The following MOV10 variants were observed in gnomAD, a reference collection of about 807,000 sequenced individuals.
The protein encoded by MOV10 is RNA helicase MOV-10.
Under a neutral mutation model 108.4 loss-of-function variants are expected in MOV10, and 39 were observed. The observed-to-expected ratio is 0.36, with a 90% CI of 0.28 to 0.47. MOV10 has a LOEUF of 0.47. Ranked by LOEUF, MOV10 falls within the 20% of genes least tolerant of loss-of-function variation. The probability of loss-of-function intolerance (pLI) is 1.00; values close to 1 mark genes in which losing one functional copy is unlikely to be tolerated. For synonymous variants in MOV10, 490 were observed against 523.1 expected (o/e 0.94, Z 0.86); for missense variants, 952 against 1,297.6 (o/e 0.73, Z 4.09).
chr1:112,697,882 G>A, intron 14 of MOV10, 112 bp from the exon 15 acceptor site: 1 of 830,010 alleles, frequency 1.2e-6, no homozygotes, highest in South Asian at 1.5e-5. Flanking sequence ...TATCCAGGGA[G>A]CCAGCGGGGT....
rs116368587 is a variant in MOV10 at position 112,675,640 on chromosome 1, G to A, written c.137+591G>A. Among the ~76,000 whole-genome samples, 181 of 152,362 alleles carry A rather than the reference G, an allele frequency of 1.2e-3. No individual in the cohort carries two copies. Among genetic ancestry groups the A allele is most frequent in the African/African-American group, 4.1e-3 (171 of 41,582 alleles). On this transcript the variant is annotated intron_variant, in intron 2 of 20. Coordinates refer to ENST00000369645, the MANE Select transcript of MOV10 (RefSeq NM_001321324.2). The surrounding 1 kb of genome is among the most constrained non-coding windows in gnomAD (Gnocchi z 4.7). ...GTACCAAACCTCCATTAGCACCTGT[G>A]GCTTCTCCATGGAGACCCAGGGGCA...
intron 11 of MOV10, 79 bp from the exon 12 acceptor site, chr1:112,696,068 AG>A (rs556314032): frequency 2.3e-5 from 21 of 921,072 alleles, no homozygotes; most frequent in South Asian, 2.8e-5. Context: ...TAATTGTTTG[AG>A]GGGGGGTACC....
chr1:112,698,805 A>G lies in MOV10; in HGVS notation c.2583+16A>G, dbSNP rs1570813357. ...GGACTTGAAGGTGACATGCTGTTCC[A>G]CAGTCACTCCCTGCCTTCCGTGTGC... On this transcript the variant is annotated intron_variant, in intron 17 of 20. Transcript: ENST00000369645. 1.9e-6 allele frequency: 3 copies of G among 1,609,078 alleles called. No individual in the cohort carries two copies. Among genetic ancestry groups the G allele is most frequent in the African/African-American group, 2.7e-5 (2 of 74,882 alleles).
chr1:112,685,903 A>G (rs1002243851), intron 2 of MOV10, among the ~76,000 whole-genome samples: 1 of 152,234 alleles, frequency 6.6e-6, no homozygotes, highest in Non-Finnish European at 1.5e-5. Flanking sequence ...GAAATTTTAC[A>G]GAGATGAGTT....
intron 6 of MOV10, among the ~76,000 whole-genome samples, chr1:112,692,542 G>A (rs954957332): frequency 1.3e-5 from 2 of 152,150 alleles, no homozygotes; most frequent in South Asian, 2.1e-4. Context: ...AATGCAAGTC[G>A]GGTGAGGTGG....
intron 2 of MOV10, among the ~76,000 whole-genome samples, chr1:112,683,854 T>TA (rs1672856047): frequency 6.6e-6 from 1 of 152,216 alleles, no homozygotes. Flanking sequence ...TGCACATATG[T>TA]CTTTATACAT....
At position 112,677,272 on chromosome 1, in the gene MOV10, TTGGAGTGTTATAA is replaced by T. The variant is rs568455284; in HGVS notation, c.137+2228_137+2240del. On this transcript the variant is annotated intron_variant, in intron 2 of 20. Transcript: ENST00000369645. ...TACAAGGTAATTATCCTTGACTATT[TTGGAGTGTTATAA>T]TGGATAAGATTGCACTCCTGTGTCA... 3.1e-3 allele frequency among the ~76,000 whole-genome samples: 466 copies of T among 152,280 alleles called. 2 individuals are homozygous for T. The highest frequency in any genetic ancestry group is 9.9e-3 in the African/African-American group (413 of 41,510).
chr1:112,696,867 C>A, intron 14 of MOV10, 21 bp downstream of exon 14: 1 of 1,554,728 alleles, frequency 6.4e-7, no homozygotes, highest in Non-Finnish European at 8.7e-7. Flanking sequence ...GCCCTTGCCT[C>A]CCCTGCCATA....
At chr1:112,697,735 A>T in intron 14 of MOV10, 1 of 388,394 alleles carries the variant, frequency 2.6e-6, no homozygotes, top group South Asian at 3.8e-5. Context: ...AAACCTGAAA[A>T]TGGGCCCCTA....
At position 112,675,195 on chromosome 1, in the gene MOV10, C is replaced by A; in HGVS notation, c.137+146C>A. 1.2e-6 allele frequency: 1 copy of A among 863,364 alleles called. No homozygotes were observed. Among genetic ancestry groups the A allele is most frequent in the Non-Finnish European group, 1.6e-6 (1 of 612,516 alleles). 53.5% of individuals were successfully genotyped at this position (863,364 alleles called of 1,614,324 possible). On this transcript the variant is annotated intron_variant, in intron 2 of 20. Coordinates refer to ENST00000369645, the MANE Select transcript of MOV10 (RefSeq NM_001321324.2). The surrounding 1 kb of genome is among the most constrained non-coding windows in gnomAD (Gnocchi z 4.7). ...GCCAGTCCCGGGGCGGCGCAGACCTCCCCTCCCGCGCCTCGCCCACGCCCC... is the reference window on the plus strand; with the variant it reads ...GCCAGTCCCGGGGCGGCGCAGACCTACCCTCCCGCGCCTCGCCCACGCCCC...
At position 112,699,901 on chromosome 1, in the gene MOV10, A is replaced by C. The variant is rs758823732; in HGVS notation, c.2717A>C (p.Asn906Thr). Reference sequence around the variant, plus strand: ...ACCACTTCTTCCTTCCAGAGGTTCAATGTAGCTGTGACCCGGGCCAAGGCC... The same window carrying C: ...ACCACTTCTTCCTTCCAGAGGTTCACTGTAGCTGTGACCCGGGCCAAGGCC... The part of the protein sequence containing the change: ...LGFLKNPKRF[N>T]VAVTRAKALL... The change falls in exon 19 of 21, where the codon AAT becomes ACT. Residue 906 changes from asparagine (N) to threonine (T), a missense_variant. Physicochemically the swap from Asn to Thr is moderately conservative, Grantham distance 65. Around this residue, in one of 5 missense-constraint regions of MOV10, gnomAD observed 65 missense variants for 124.3 expected, o/e 0.52. Coordinates refer to ENST00000369645, the MANE Select transcript of MOV10 (RefSeq NM_001321324.2). The C allele has an allele frequency of 6.2e-7, 1 of 1,614,086 alleles. No individual in the cohort carries two copies. Among genetic ancestry groups the C allele is most frequent in the Admixed American group, 1.7e-5 (1 of 60,028 alleles).
rs753151960 is a variant in MOV10, at chr1:112,696,175, G to C, written c.1807G>C (p.Gly603Arg). Residue 603 changes from glycine (G) to arginine (R), a missense_variant, in exon 12 of 21, where the codon GGG (glycine) becomes CGG (arginine). Around this residue, in one of 5 missense-constraint regions of MOV10, gnomAD observed 453 missense variants for 611.5 expected, o/e 0.74. Coordinates refer to ENST00000369645, the MANE Select transcript of MOV10 (RefSeq NM_001321324.2). ...CTGCTGCAACTGGGACGCAAAGAAG[G>C]GGGAGTATGTATTTCCCGCCAAGAA... is the stretch of plus-strand genomic sequence containing the variant. ...KPCCNWDAKK[G>R]EYVFPAKKKL... is the part of the protein sequence containing the mutation. 5.6e-6 allele frequency: 9 copies of C among 1,613,856 alleles called. No individual in the cohort carries two copies. The highest frequency in any genetic ancestry group is 1.7e-5 in the Admixed American group (1 of 59,994).
At chr1:112,681,605 A>G (rs1271148533) in intron 2 of MOV10, among the ~76,000 whole-genome samples, 1 of 152,156 alleles carries the variant, frequency 6.6e-6, no homozygotes, top group Non-Finnish European at 1.5e-5. Context: ...TTTTTCCCCA[A>G]TATCATACTA....
intron 2 of MOV10, chr1:112,688,218 C>T (rs761380829): frequency 2.5e-4 from 78 of 316,738 alleles, no homozygotes; most frequent in Non-Finnish European, 3.4e-4. Flanking sequence ...GTGTCTGGCA[C>T]ATAACAGGCC....
chr1:112,674,999 G>C lies in MOV10; in HGVS notation c.87G>C (p.Glu29Asp). Reference protein sequence around the residue: ...SFLVVRGLDMETDRERLRTIY... With the variant: ...SFLVVRGLDMDTDRERLRTIY... ...TGGTCGTTCGGGGACTGGACATGGA[G>C]ACAGATCGCGAGCGGCTGCGGACCA... is the stretch of plus-strand genomic sequence containing the variant. The change falls in exon 2 of 21, where the codon GAG (glutamate) becomes GAC (aspartate). Residue 29 changes from glutamate to aspartate, a missense_variant. Transcript: ENST00000369645. The C allele has an allele frequency of 1.3e-6, 2 of 1,584,438 alleles. No homozygotes were observed. The highest frequency in any genetic ancestry group is 1.7e-6 in the Non-Finnish European group (2 of 1,166,350).
At position 112,688,953 on chromosome 1, in the gene MOV10, T is replaced by C; in HGVS notation, c.156T>C (p.Pro52=). 6.2e-7 allele frequency: 1 copy of C among 1,612,378 alleles called. No individual in the cohort carries two copies. The highest frequency in any genetic ancestry group is 8.5e-7 in the Non-Finnish European group (1 of 1,180,018). ...DFKISFGTPA[P]GFSSMLYGMK... ...CTGGCAGCTTTGGGACCCCCGCCCC[T>C]GGCTTCTCCTCCATGCTGTATGGAA... is the stretch of plus-strand genomic sequence containing the variant. The change falls in exon 3 of 21, where the codon CCT becomes CCC. Residue 52 remains proline, a synonymous_variant. Coordinates refer to ENST00000369645, the MANE Select transcript of MOV10 (RefSeq NM_001321324.2).
At chr1:112,696,061 T>A in intron 11 of MOV10, 87 bp from the exon 12 acceptor site, 1 of 873,696 alleles carries the variant, frequency 1.1e-6, no homozygotes, top group Admixed American at 2.2e-5. Flanking sequence ...ATAAAAATAA[T>A]TGTTTGAGGG....
At chr1:112,683,808 C>A (rs1392803481) in intron 2 of MOV10, among the ~76,000 whole-genome samples, 1 of 152,158 alleles carries the variant, frequency 6.6e-6, no homozygotes, top group East Asian at 1.9e-4. Flanking sequence ...ATTTTCAATT[C>A]TTGACCACTG....
intron 7 of MOV10, 194 bp from the exon 8 acceptor site, chr1:112,693,824 T>G: frequency 4.4e-5 from 23 of 523,334 alleles, no homozygotes; most frequent in East Asian, 9.6e-5. Context: ...CTTCGGAGGA[T>G]TTGTCTTCTT....
Sources: gnomAD v4.1 joint callset for allele counts (sites outside exome capture counted in the v4.1 genomes callset) on GRCh38, gnomAD v4.1.1 for gene constraint, gnomAD v4.1.1 regional missense constraint, Gnocchi (gnomAD v3.1) non-coding constraint, MANE v1.5 for transcripts, NCBI Gene and HGNC (gene_info 2026-07-23, HGNC 2026-07-21) for gene names.